The following LRBA variants were observed in gnomAD, a reference collection of about 807,000 sequenced individuals.
The protein encoded by LRBA is LPS responsive beige-like anchor protein.
A neutral mutation model predicts 330.0 loss-of-function variants in LRBA; 176 were observed. The observed-to-expected ratio is 0.53, with a 90% confidence interval of 0.47 to 0.60. The LOEUF (loss-of-function observed/expected upper bound fraction) is 0.60, where lower values mean the gene tolerates loss of function less well. LRBA is among the 20% of genes least tolerant of loss of function. The pLI, the probability that LRBA is intolerant of heterozygous loss-of-function variation, is 0.00. For missense variants in LRBA, 3,259 were observed against 3,444.8 expected (o/e 0.95, Z 1.35); for synonymous variants, 1,230 against 1,193.0 (o/e 1.03, Z -0.64).
chr4:150,904,542 T>A (rs1170536033), intron 13 of LRBA, among the ~76,000 whole-genome samples: 1 of 152,134 alleles, frequency 6.6e-6, no homozygotes, highest in Non-Finnish European at 1.5e-5. Context: ...TTTTTTTTAA[T>A]TCCCCTCCAA....
At chr4:150,351,700 C>CA (rs1737205926) in intron 47 of LRBA, among the ~76,000 whole-genome samples, 1 of 151,978 alleles carries the variant, frequency 6.6e-6, no homozygotes. Flanking sequence ...AAAAACAAAA[C>CA]AAAACAAAAA....
At chr4:150,832,615 C>A (rs1485756059) in intron 28 of LRBA, among the ~76,000 whole-genome samples, 4 of 151,794 alleles carry the variant, frequency 2.6e-5, no homozygotes, top group Admixed American at 1.3e-4. Flanking sequence ...AGCAATCAAT[C>A]AATAAATAAA....
chr4:150,597,173 G>A, intron 38 of LRBA: 1 of 817,460 alleles, frequency 1.2e-6, no homozygotes, highest in East Asian at 2.8e-5. Flanking sequence ...AGAGTAATCA[G>A]AGTGAAATCT....
intron 38 of LRBA, among the ~76,000 whole-genome samples, chr4:150,594,358 T>C (rs1773236978): frequency 6.6e-6 from 1 of 152,082 alleles, no homozygotes. Context: ...AAATAAAGGA[T>C]TATTATCATG....
At chr4:150,441,544 T>C (rs1444946371) in intron 44 of LRBA, among the ~76,000 whole-genome samples, 3 of 152,126 alleles carry the variant, frequency 2.0e-5, no homozygotes, top group Non-Finnish European at 4.4e-5. Context: ...GTATCTGTTT[T>C]TTCTTTCTTT....
intron 22 of LRBA, among the ~76,000 whole-genome samples, chr4:150,860,328 T>C (rs540204665): frequency 6.6e-6 from 1 of 152,274 alleles, no homozygotes; most frequent in South Asian, 2.1e-4. Context: ...AAAGTATACT[T>C]TGACAGCAAA....
intron 48 of LRBA, among the ~76,000 whole-genome samples, chr4:150,326,192 T>C (rs982701000): frequency 2.0e-5 from 3 of 152,158 alleles, no homozygotes; most frequent in African/African-American, 7.2e-5. Context: ...TTCATCTCTG[T>C]TTTCTTGCAC....
chr4:150,758,270 T>C (rs1187980439), intron 35 of LRBA, among the ~76,000 whole-genome samples: 1 of 152,202 alleles, frequency 6.6e-6, no homozygotes, highest in Non-Finnish European at 1.5e-5. Context: ...GATCCTGCTT[T>C]GTTCTAAATG....
At chr4:150,327,191 A>C (rs1167572521) in intron 48 of LRBA, among the ~76,000 whole-genome samples, 6 of 152,282 alleles carry the variant, frequency 3.9e-5, no homozygotes, top group Non-Finnish European at 4.4e-5. Flanking sequence ...TCCCAAACCA[A>C]GACAGGAGGA....
At chr4:150,406,672 T>C (rs1746239501) in intron 47 of LRBA, among the ~76,000 whole-genome samples, 1 of 152,192 alleles carries the variant, frequency 6.6e-6, no homozygotes, top group Non-Finnish European at 1.5e-5. Flanking sequence ...TGCACTGTGA[T>C]AGGCTGAAAA....
At position 150,264,676 on chromosome 4, in the gene LRBA, ATTTATT is replaced by A. The variant is rs1745085774; in HGVS notation, c.*1040_*1045del. The stretch of plus-strand genomic sequence containing the variant: ...GATCAAAGTTCACAACATACAAAGA[ATTTATT>A]TATGCAATACAGGCCTTTTCTCAAA... On this transcript the variant is annotated 3_prime_UTR_variant, in exon 57 of 57. Transcript: ENST00000651943. The A allele has an allele frequency of 6.6e-6, 1 of 152,648 alleles. No individual in the cohort carries two copies. Among genetic ancestry groups the A allele is most frequent in the East Asian group, 1.9e-4 (1 of 5,204 alleles). 9.5% of individuals were successfully genotyped at this position (152,648 alleles called of 1,614,324 possible). A position where few individuals can be genotyped will look rare whatever the true frequency, so the allele number is the denominator to read the frequency against.
intron 37 of LRBA, among the ~76,000 whole-genome samples, chr4:150,612,962 C>G (rs1057109026): frequency 5.9e-5 from 9 of 152,004 alleles, no homozygotes; most frequent in African/African-American, 2.2e-4. Context: ...AATTGATACA[C>G]AAAGAAGACG....
intron 40 of LRBA, among the ~76,000 whole-genome samples, chr4:150,551,960 G>A (rs375255925): frequency 6.6e-6 from 1 of 152,108 alleles, no homozygotes; most frequent in African/African-American, 2.4e-5. Flanking sequence ...AGTGGGGTGG[G>A]GGGTAGGAGG....
At chr4:150,805,379 GGGAA>G (rs1742501873) in intron 33 of LRBA, among the ~76,000 whole-genome samples, 1 of 98,004 alleles carries the variant, frequency 1.0e-5, no homozygotes, top group Non-Finnish European at 1.9e-5. Flanking sequence ...AGGAAGGGAA[GGGAA>G]AAGGAAAGGA....
At chr4:150,562,346 A>G (rs1158747861) in intron 40 of LRBA, among the ~76,000 whole-genome samples, 1 of 152,172 alleles carries the variant, frequency 6.6e-6, no homozygotes, top group Non-Finnish European at 1.5e-5. Context: ...ATACATACAT[A>G]TATATTCAGC....
chr4:150,683,405 C>G (rs577495269), intron 37 of LRBA, 146 bp downstream of exon 37: 4 of 668,516 alleles, frequency 6.0e-6, no homozygotes, highest in East Asian at 2.6e-5. Flanking sequence ...TTCTCCTTCC[C>G]TTTGGCTTTA....
chr4:150,664,781 T>C (rs578182631), intron 37 of LRBA, among the ~76,000 whole-genome samples: 2 of 152,312 alleles, frequency 1.3e-5, no homozygotes, highest in East Asian at 3.9e-4. Flanking sequence ...CCTCATGAGA[T>C]AATTTTCTTC....
intron 2 of LRBA, among the ~76,000 whole-genome samples, chr4:150,998,048 CTTTTT>C (rs1184797926): frequency 6.7e-6 from 1 of 149,356 alleles, no homozygotes; most frequent in South Asian, 2.1e-4. Flanking sequence ...TTTTTTTTTT[CTTTTT>C]TAAGAGATAG....
Position 150,265,662 on chromosome 4 carries a change from A to C in LRBA, c.*60T>G. ...GTTACATTCAGATGTGGTAGAAGAGAATGATGCTCCAGGTACTTCTGCTCA... is the reference window on the plus strand; with the variant it reads ...GTTACATTCAGATGTGGTAGAAGAGCATGATGCTCCAGGTACTTCTGCTCA... On this transcript the variant is annotated 3_prime_UTR_variant, in exon 57 of 57. Coordinates refer to ENST00000651943, the MANE Select transcript of LRBA (RefSeq NM_001364905.1). 1 of 1,071,432 alleles carries C rather than the reference A, an allele frequency of 9.3e-7. No individual in the cohort carries two copies. The highest frequency in any genetic ancestry group is 1.5e-6 in the Non-Finnish European group (1 of 685,664). 66.4% of individuals were successfully genotyped at this position (1,071,432 alleles called of 1,614,324 possible).
Sources: gnomAD v4.1 joint callset for allele counts (sites outside exome capture counted in the v4.1 genomes callset) on GRCh38, gnomAD v4.1.1 for gene constraint, MANE v1.5 for transcripts, NCBI Gene and HGNC (gene_info 2026-07-23, HGNC 2026-07-21) for gene names.